Variants in KRT74 observed in about 807,000 individuals in gnomAD.
The protein encoded by KRT74 is keratin, type II cytoskeletal 74.
In KRT74, 43 loss-of-function variants were observed where a neutral mutation model predicts 42.7. The ratio of observed to expected loss-of-function variants is 1.01; its 90% confidence interval spans 0.79 to 1.30. KRT74 has a LOEUF of 1.30. Ranked by LOEUF, KRT74 falls within the 50% of genes most tolerant of loss-of-function variation. KRT74 has a pLI of 0.00. For synonymous variants in KRT74, 302 were observed against 279.0 expected, an observed-to-expected ratio of 1.08 and a Z score of -0.82; for missense variants, 736 against 689.1, an observed-to-expected ratio of 1.07 and a Z score of -0.76.
chr12:52,567,528 T>C (rs1939401132), intron 8 of KRT74, 131 bp downstream of exon 8: 4 of 774,082 alleles, frequency 5.2e-6, no homozygotes, highest in East Asian at 2.5e-5. Context: ...AACATTTCCT[T>C]TGAAGCCCAG....
At chr12:52,572,861 A>G (rs1438912899) in intron 1 of KRT74, among the ~76,000 whole-genome samples, 194 bp from the exon 2 acceptor site, 4 of 152,172 alleles carry the variant, frequency 2.6e-5, no homozygotes, top group Non-Finnish European at 4.4e-5. Flanking sequence ...TGGACAAGGC[A>G]TCACTGAGAA....
Position 52,571,454 on chromosome 12 carries a change from C to A in KRT74, c.748G>T (p.Asp250Tyr), listed in dbSNP as rs775786763. ...TTGACTGCGTAGGCTGCATCTGCAT[C>A]CTGCCAAGAGGCCCCAGAGTCATTG... is the stretch of plus-strand genomic sequence containing the variant. ...AENEFVVLKKDADAAYAVKVE... is the reference protein window; with the variant it reads ...AENEFVVLKKYADAAYAVKVE... The change falls in exon 4 of 9, where the codon GAT (aspartate) becomes TAT (tyrosine). Residue 250 changes from aspartate (D) to tyrosine (Y), a missense_variant and splice_region_variant. By Grantham distance (160) the Asp-to-Tyr change is radical. Transcript: ENST00000305620. The A allele has an allele frequency of 5.6e-6, 9 of 1,612,938 alleles. No homozygotes were observed. In the East Asian group the frequency reaches 1.8e-4, roughly 32 times the overall value.
chr12:52,567,133 G>A lies in KRT74; in HGVS notation c.1426C>T (p.Pro476Ser), dbSNP rs148173615. The change falls in exon 9 of 9, where the codon CCC becomes TCC. Residue 476 changes from proline (P) to serine (S), a missense_variant. Physicochemically the swap from Pro to Ser is moderately conservative, Grantham distance 74. Coordinates refer to ENST00000305620, the MANE Select transcript of KRT74 (RefSeq NM_175053.4). ...ISSSSYSYHH[P>S]SSAGVDLGAS... ...CCAAGGTCAACACCCGCAGAGCTGG[G>A]GTGGTGGTAGCTGTAGCTGCTACTG... is the stretch of plus-strand genomic sequence containing the variant. 1,414 of 1,605,792 alleles carry A rather than the reference G, an allele frequency of 8.8e-4. 6 individuals are homozygous for A. The highest frequency in any genetic ancestry group is 3.7e-3 in the Middle Eastern group (22 of 6,008).
Position 52,572,019 on chromosome 12 carries a change from A to G in KRT74, c.687-15T>C, listed in dbSNP as rs750320180. 7 of 1,576,268 alleles carry G rather than the reference A, an allele frequency of 4.4e-6. No homozygotes were observed. The highest frequency in any genetic ancestry group is 6.1e-6 in the Non-Finnish European group (7 of 1,146,034). ...CCACTTCATATCTGCCAGCAGGGAG[A>G]GTAGATGGCCTTAGCCCCCTTAGCC... On this transcript the variant is annotated splice_polypyrimidine_tract_variant and intron_variant, in intron 2 of 8. Coordinates refer to ENST00000305620, the MANE Select transcript of KRT74 (RefSeq NM_175053.4).
chr12:52,571,105 C>A (rs1013140643), intron 4 of KRT74, among the ~76,000 whole-genome samples: 4 of 152,224 alleles, frequency 2.6e-5, no homozygotes, highest in African/African-American at 9.6e-5. Context: ...AGGCTCTGTG[C>A]TTTGTAAGAC....
chr12:52,569,134 T>G (rs1441897785), intron 6 of KRT74, among the ~76,000 whole-genome samples: 1 of 151,966 alleles, frequency 6.6e-6, no homozygotes. Flanking sequence ...CGCTGGTCAA[T>G]TCTATCACTA....
At chr12:52,572,335 G>T in intron 2 of KRT74, 118 bp downstream of exon 2, 1 of 1,063,640 alleles carries the variant, frequency 9.4e-7, no homozygotes, top group Non-Finnish European at 1.4e-6. Flanking sequence ...AGAAAGGGAT[G>T]TGAGCTCCTG....
chr12:52,570,583 C>T, intron 5 of KRT74, 86 bp downstream of exon 5: 1 of 1,456,772 alleles, frequency 6.9e-7, no homozygotes. Context: ...AGCATGCCCA[C>T]AAAAGTATTC....
In KRT74 at chr12:52,573,339, G is replaced by A. The variant is rs756960701; in HGVS notation, c.439C>T (p.Leu147=). 2.8e-5 allele frequency: 45 copies of A among 1,614,080 alleles called. No homozygotes were observed. In the South Asian group the frequency reaches 3.5e-4, roughly 13 times the overall value. ...ATGAAGGAGGCGAACTTGTCGTTCA[G>A]CACCTTGATCTGTTCCCGCTCCTGG... ...RAQEREQIKV[L]NDKFASFIDK... Residue 147 remains leucine, a synonymous_variant, in exon 1 of 9, where the codon CTG becomes TTG. Coordinates refer to ENST00000305620, the MANE Select transcript of KRT74 (RefSeq NM_175053.4).
intron 3 of KRT74, 80 bp downstream of exon 3, chr12:52,571,864 C>T: frequency 9.8e-7 from 1 of 1,015,506 alleles, no homozygotes; most frequent in South Asian, 1.3e-5. Flanking sequence ...CCTCCCCAGC[C>T]TCCTGGGCTG....
At chr12:52,569,473 G>T (rs1277975071) in intron 6 of KRT74, 2 of 616,950 alleles carry the variant, frequency 3.2e-6, no homozygotes, top group South Asian at 1.9e-5. Flanking sequence ...CAGAGGGTCT[G>T]CCCTCAGAGG....
At chr12:52,572,063 G>T in intron 2 of KRT74, 59 bp from the exon 3 acceptor site, 2 of 1,269,688 alleles carry the variant, frequency 1.6e-6, no homozygotes, top group Non-Finnish European at 2.3e-6. Context: ...TTCTCTTCCT[G>T]CTGGCCAGGC....
chr12:52,570,803 C>A lies in KRT74; in HGVS notation c.874G>T (p.Glu292Ter). Residue 292 changes from glutamate to a stop codon, truncating the protein, a stop_gained, in exon 5 of 9, where the codon GAG becomes TAG. Transcript: ENST00000305620. LOFTEE classifies it high-confidence loss of function. The part of the protein sequence containing the change: ...EIAQIQTHAS[E>*]TSVILSMDNN... The stretch of plus-strand genomic sequence containing the variant: ...TCCATGGACAGGATGACAGAGGTCT[C>A]ACTGGCGTGAGTCTGGATCTGAGCG... 1 of 1,614,252 alleles carries A rather than the reference C, an allele frequency of 6.2e-7. No individual in the cohort carries two copies.
In KRT74 at chr12:52,569,663, G is replaced by T; in HGVS notation, c.1134+196C>A. On this transcript the variant is annotated intron_variant, in intron 6 of 8. Transcript: ENST00000305620. ...GAGGAGTCAGAGAAATAGGTTTGAGGCTCCTCCCAGTTCTGGGCGGGGTAC... is the reference window on the plus strand; with the variant it reads ...GAGGAGTCAGAGAAATAGGTTTGAGTCTCCTCCCAGTTCTGGGCGGGGTAC... 6.0e-6 allele frequency: 4 copies of T among 667,022 alleles called. No homozygotes were observed. In the East Asian group the frequency reaches 1.0e-4, roughly 17 times the overall value. The allele number at this position is 667,022 out of a possible 1,614,324, so 41.3% of individuals were successfully genotyped here. A position where few individuals can be genotyped will look rare whatever the true frequency, so the allele number is the denominator to read the frequency against.
intron 1 of KRT74, 33 bp downstream of exon 1, chr12:52,573,274 G>T: frequency 3.1e-6 from 5 of 1,588,674 alleles, no homozygotes; most frequent in Non-Finnish European, 4.3e-6. Context: ...CAGGCCTCAG[G>T]GTGCGGCCTC....
chr12:52,568,581 A>G, intron 6 of KRT74, 192 bp from the exon 7 acceptor site: 1 of 647,196 alleles, frequency 1.5e-6, no homozygotes, highest in Non-Finnish European at 2.6e-6. Context: ...TTATCACATG[A>G]AGCTGTGGAA....
Position 52,573,484 on chromosome 12 carries a change from G to T in KRT74, c.294C>A (p.Ala98=). 1 of 1,614,148 alleles carries T rather than the reference G, an allele frequency of 6.2e-7. No individual in the cohort carries two copies. The change falls in exon 1 of 9, where the codon GCC becomes GCA. Residue 98 remains alanine (A), a synonymous_variant. Transcript: ENST00000305620. ...ACACAGACAAACATGCAGGCCCCAG[G>T]GCCACACTGCCAAACATACTGCCAG... The part of the protein sequence containing the change: ...GFAGSMFGSV[A]LGPACLSVCP...
At chr12:52,570,965 G>C in intron 4 of KRT74, 132 bp from the exon 5 acceptor site, 1 of 1,037,974 alleles carries the variant, frequency 9.6e-7, no homozygotes, top group South Asian at 1.4e-5. Flanking sequence ...GGGAAGAAGT[G>C]CCCTCTGGGA....
In KRT74 at chr12:52,569,967, C is replaced by G; in HGVS notation, c.1026G>C (p.Leu342=). 1 of 1,614,126 alleles carries G rather than the reference C, an allele frequency of 6.2e-7. No homozygotes were observed. The highest frequency in any genetic ancestry group is 8.5e-7 in the Non-Finnish European group (1 of 1,180,014). Residue 342 remains leucine (L), a synonymous_variant, in exon 6 of 9, where the codon CTG becomes CTC. Coordinates refer to ENST00000305620, the MANE Select transcript of KRT74 (RefSeq NM_175053.4). ...GGTCGTCACCATGCCGACTGGCTGCCAGCTGCAGCTCCTGGATCTGGTTTC... is the reference window on the plus strand; with the variant it reads ...GGTCGTCACCATGCCGACTGGCTGCGAGCTGCAGCTCCTGGATCTGGTTTC... ...LYQTKIQELQ[L]AASRHGDDLK...
Sources: gnomAD v4.1 joint callset for allele counts (sites outside exome capture counted in the v4.1 genomes callset) on GRCh38, gnomAD v4.1.1 for gene constraint, MANE v1.5 for transcripts, NCBI Gene and HGNC (gene_info 2026-07-23, HGNC 2026-07-21) for gene names.